Variants in PSMD1 observed in about 807,000 individuals in gnomAD.
The protein encoded by PSMD1 is 26S proteasome non-ATPase regulatory subunit 1.
PSMD1 carries 18 observed loss-of-function variants against 119.0 expected under a neutral mutation model. The observed-to-expected ratio is 0.15, with a 90% CI of 0.10 to 0.22. The LOEUF (loss-of-function observed/expected upper bound fraction) is 0.22, where lower values mean the gene tolerates loss of function less well. Ranked by LOEUF, PSMD1 falls within the 10% of genes least tolerant of loss-of-function variation. The pLI, the probability that PSMD1 is intolerant of heterozygous loss-of-function variation, is 1.00. For synonymous variants in PSMD1, 374 were observed against 396.6 expected (o/e 0.94, Z 0.68); for missense variants, 702 against 1,158.5 (o/e 0.61, Z 5.72).
intron 21 of PSMD1, chr2:231,164,880 C>A (rs905808139): frequency 6.4e-6 from 1 of 156,114 alleles, no homozygotes; most frequent in African/African-American, 2.4e-5. Context: ...AGAGCAAATT[C>A]ATATCCAAGG....
At chr2:231,086,646 G>A (rs1033873345) in intron 15 of PSMD1, among the ~76,000 whole-genome samples, 22 of 152,308 alleles carry the variant, frequency 1.4e-4, no homozygotes, top group African/African-American at 4.8e-4. Context: ...GACAGAGTGA[G>A]ACTCTGTCTT....
chr2:231,152,828 G>A (rs980803718), intron 18 of PSMD1, among the ~76,000 whole-genome samples: 7 of 151,898 alleles, frequency 4.6e-5, no homozygotes, highest in African/African-American at 1.7e-4. Flanking sequence ...CATAGAAGAA[G>A]CATAAAATAG....
intron 6 of PSMD1, among the ~76,000 whole-genome samples, chr2:231,071,942 A>T (rs1462930889): frequency 6.6e-6 from 1 of 152,200 alleles, no homozygotes; most frequent in East Asian, 1.9e-4. Flanking sequence ...AATACTGCTG[A>T]TTACCAGGCA....
At chr2:231,063,300 T>C (rs1480553136) in intron 4 of PSMD1, among the ~76,000 whole-genome samples, 1 of 152,202 alleles carries the variant, frequency 6.6e-6, no homozygotes, top group Non-Finnish European at 1.5e-5. Context: ...CAACTAGTTA[T>C]GTAAGATTTG....
intron 7 of PSMD1, among the ~76,000 whole-genome samples, chr2:231,074,258 A>G (rs1694107571): frequency 6.6e-6 from 1 of 152,254 alleles, no homozygotes; most frequent in Non-Finnish European, 1.5e-5. Context: ...GGCGCAGGCT[A>G]TCATGCCCGG....
intron 2 of PSMD1, 106 bp from the exon 3 acceptor site, chr2:231,062,142 G>T: frequency 1.5e-6 from 1 of 688,194 alleles, no homozygotes; most frequent in South Asian, 2.0e-5. Flanking sequence ...GTAAAAGTTT[G>T]AGTAAATATT....
intron 16 of PSMD1, among the ~76,000 whole-genome samples, chr2:231,110,085 A>G (rs1201273692): frequency 2.0e-5 from 3 of 152,198 alleles, no homozygotes; most frequent in Non-Finnish European, 4.4e-5. Flanking sequence ...TTGGGAGGCC[A>G]AGTGGGGGTG....
At chr2:231,165,481 G>A (rs536675295) in intron 22 of PSMD1, among the ~76,000 whole-genome samples, 195 bp downstream of exon 22, 1 of 152,026 alleles carries the variant, frequency 6.6e-6, no homozygotes, top group African/African-American at 2.4e-5. Context: ...AGAATAGAAG[G>A]GTACAAATCA....
chr2:231,154,624 C>T (rs548322412), intron 19 of PSMD1, among the ~76,000 whole-genome samples: 7 of 152,266 alleles, frequency 4.6e-5, no homozygotes, highest in African/African-American at 1.7e-4. Flanking sequence ...TATGTCACCA[C>T]ACCCAACTAA....
rs559101191 is a variant in PSMD1 at position 231,056,887 on chromosome 2, G to A, written c.-139G>A. 9.9e-6 allele frequency: 12 copies of A among 1,207,624 alleles called. No individual in the cohort carries two copies. The South Asian group carries it at 1.4e-4, about 15-fold the overall frequency. The allele number at this position is 1,207,624 out of a possible 1,614,324, so 74.8% of individuals were successfully genotyped here. A position where few individuals can be genotyped will look rare whatever the true frequency, so the allele number is the denominator to read the frequency against. ...GCGGGGTCCTGGCGAGAAGCGAGCC[G>A]GCGGCCTGAGGAGGCGACTGACTGA... On this transcript the variant is annotated 5_prime_UTR_variant, in exon 1 of 25. Coordinates refer to ENST00000308696, the MANE Select transcript of PSMD1 (RefSeq NM_002807.4).
At chr2:231,091,508 A>G (rs1694592407) in intron 16 of PSMD1, among the ~76,000 whole-genome samples, 1 of 152,316 alleles carries the variant, frequency 6.6e-6, no homozygotes, top group Non-Finnish European at 1.5e-5. Context: ...TGTTAATTGA[A>G]GAGTACAGAT....
intron 13 of PSMD1, 37 bp downstream of exon 13, chr2:231,083,031 T>TG: frequency 7.0e-7 from 1 of 1,426,494 alleles, no homozygotes; most frequent in South Asian, 1.2e-5. Flanking sequence ...AGCTTAAGTA[T>TG]TAATTAATGT....
chr2:231,147,505 A>G (rs898516595), intron 18 of PSMD1, among the ~76,000 whole-genome samples: 8 of 152,196 alleles, frequency 5.3e-5, no homozygotes, highest in African/African-American at 1.9e-4. Flanking sequence ...TCAAAAAATA[A>G]AATAAAATTA....
intron 19 of PSMD1, among the ~76,000 whole-genome samples, chr2:231,156,319 A>G (rs1345101276): frequency 6.6e-6 from 1 of 152,172 alleles, no homozygotes; most frequent in East Asian, 1.9e-4. Context: ...ATATTTGCTT[A>G]CAATCAATGA....
chr2:231,153,517 C>T (rs376385971), intron 18 of PSMD1, 47 bp from the exon 19 acceptor site: 50 of 1,324,360 alleles, frequency 3.8e-5, no homozygotes, highest in African/African-American at 2.3e-4. Flanking sequence ...AAAATGGTAC[C>T]GCAAATGAGT....
intron 16 of PSMD1, among the ~76,000 whole-genome samples, chr2:231,115,663 T>C (rs1695305224): frequency 2.6e-5 from 4 of 152,140 alleles, no homozygotes; most frequent in African/African-American, 9.7e-5. Context: ...GAGATTACCA[T>C]TGATCTTGCA....
At chr2:231,163,812 T>A (rs902674658) in intron 21 of PSMD1, 85 bp downstream of exon 21, 2 of 990,780 alleles carry the variant, frequency 2.0e-6, no homozygotes, top group Non-Finnish European at 3.0e-6. Flanking sequence ...CTATCTTTTA[T>A]GTTTTAAAAG....
rs551555069 is a variant in PSMD1, at chr2:231,110,291, C to T, written c.1883+23110C>T. ...GCCGAGATCACACCACTGCCCTCCACGCTCAGCGACAAAGTAAGACTCTGT... is the reference window on the plus strand; with the variant it reads ...GCCGAGATCACACCACTGCCCTCCATGCTCAGCGACAAAGTAAGACTCTGT... On this transcript the variant is annotated intron_variant, in intron 16 of 24. Coordinates refer to ENST00000308696, the MANE Select transcript of PSMD1 (RefSeq NM_002807.4). Among the ~76,000 whole-genome samples the T allele has an allele frequency of 4.6e-5, 7 of 152,244 alleles. No homozygotes were observed. The East Asian group carries it at 7.7e-4, about 17-fold the overall frequency.
intron 19 of PSMD1, among the ~76,000 whole-genome samples, chr2:231,156,417 G>C (rs1165983968): frequency 6.6e-6 from 1 of 152,024 alleles, no homozygotes; most frequent in Non-Finnish European, 1.5e-5. Flanking sequence ...GGTTTTGACA[G>C]ATCTTTAATG....
Sources: gnomAD v4.1 joint callset for allele counts (sites outside exome capture counted in the v4.1 genomes callset) on GRCh38, gnomAD v4.1.1 for gene constraint, MANE v1.5 for transcripts, NCBI Gene and HGNC (gene_info 2026-07-23, HGNC 2026-07-21) for gene names.